Variants in SAMHD1 observed in about 807,000 individuals in gnomAD.
SAMHD1 encodes deoxynucleoside triphosphate triphosphohydrolase SAMHD1.
SAMHD1 carries 54 observed loss-of-function variants against 79.6 expected under a neutral mutation model. The ratio of observed to expected loss-of-function variants is 0.68; its 90% CI spans 0.55 to 0.85. The LOEUF (loss-of-function observed/expected upper bound fraction) is 0.85. Among genes scored for constraint, SAMHD1 ranks in the 40% least tolerant of loss-of-function variants. The pLI, the probability that SAMHD1 is intolerant of heterozygous loss-of-function variation, is 0.00. For synonymous variants in SAMHD1, 260 were observed against 264.1 expected, an observed-to-expected ratio of 0.98 and a Z score of 0.15; for missense variants, 663 against 782.7, an observed-to-expected ratio of 0.85 and a Z score of 1.82.
At chr20:36,909,276 G>A (rs1488668652) in intron 11 of SAMHD1, among the ~76,000 whole-genome samples, 1 of 151,978 alleles carries the variant, frequency 6.6e-6, no homozygotes, top group Non-Finnish European at 1.5e-5. Flanking sequence ...TTTATTTTTA[G>A]TTAAACAGTT....
At chr20:36,898,605 T>A in intron 13 of SAMHD1, 61 bp from the exon 14 acceptor site, 1 of 1,297,360 alleles carries the variant, frequency 7.7e-7, no homozygotes, top group Non-Finnish European at 1.1e-6. Context: ...CTCAGGGCTG[T>A]AGGAGCATAA....
chr20:36,899,654 T>G (rs1990264801), intron 13 of SAMHD1, among the ~76,000 whole-genome samples: 1 of 151,570 alleles, frequency 6.6e-6, no homozygotes, highest in Admixed American at 6.6e-5. Context: ...CAGGCTTAGG[T>G]GGGAAGAAAA....
intron 14 of SAMHD1, 39 bp from the exon 15 acceptor site, chr20:36,897,998 C>A: frequency 6.2e-7 from 1 of 1,612,636 alleles, no homozygotes; most frequent in South Asian, 1.1e-5. Context: ...ACCTTGAAGT[C>A]ACACATTGGA....
chr20:36,919,142 G>T (rs987958242), intron 7 of SAMHD1, among the ~76,000 whole-genome samples: 9 of 151,996 alleles, frequency 5.9e-5, no homozygotes, highest in African/African-American at 2.2e-4. Flanking sequence ...TCTCTAAAAA[G>T]AATTTCTGTA....
chr20:36,945,978 T>C (rs2063683331), intron 2 of SAMHD1, among the ~76,000 whole-genome samples: 1 of 151,108 alleles, frequency 6.6e-6, no homozygotes, highest in Non-Finnish European at 1.5e-5. Flanking sequence ...ATAGGATTTG[T>C]ACAGCGAAAA....
intron 3 of SAMHD1, 52 bp downstream of exon 3, chr20:36,940,987 T>A: frequency 3.0e-6 from 4 of 1,324,398 alleles, no homozygotes; most frequent in Non-Finnish European, 4.4e-6. Context: ...TTTACATAAT[T>A]GAGTTATATC....
intron 3 of SAMHD1, among the ~76,000 whole-genome samples, chr20:36,939,337 A>G (rs2063626033): frequency 6.6e-6 from 1 of 151,706 alleles, no homozygotes; most frequent in Non-Finnish European, 1.5e-5. Flanking sequence ...TCATGCCTGT[A>G]ATCCCAACAC....
rs1400685673 is a variant in SAMHD1 at position 36,930,224 on chromosome 20, G to A, written c.625+536C>T. ...TGTAGTAAACATGATGGCCGGGCAC[G>A]GTGGCTCATGCCTGTAATCCCAGCA... On this transcript the variant is annotated intron_variant, in intron 5 of 15. Coordinates refer to ENST00000646673, the MANE Select transcript of SAMHD1 (RefSeq NM_015474.4). Among the ~76,000 whole-genome samples, 5 of 152,076 alleles carry A rather than the reference G, an allele frequency of 3.3e-5. No homozygotes were observed. In the East Asian group the frequency reaches 7.7e-4, roughly 23 times the overall value.
intron 13 of SAMHD1, among the ~76,000 whole-genome samples, chr20:36,902,615 T>TCCAC (rs1358594678): frequency 6.6e-6 from 1 of 152,104 alleles, no homozygotes; most frequent in Non-Finnish European, 1.5e-5. Flanking sequence ...CAGGTATGGG[T>TCCAC]GTGGAGATGT....
At chr20:36,938,198 G>C (rs376455386) in intron 3 of SAMHD1, among the ~76,000 whole-genome samples, 36 of 152,086 alleles carry the variant, frequency 2.4e-4, no homozygotes, top group East Asian at 1.2e-3. Context: ...AAAATAGAAA[G>C]AATAAAAGTG....
chr20:36,918,801 C>CAAAAAAAAAAAAAAAAAAAAA (rs60403097), intron 7 of SAMHD1, among the ~76,000 whole-genome samples: 4 of 65,458 alleles, frequency 6.1e-5, no homozygotes, highest in South Asian at 6.6e-4. Context: ...GACTCTATCT[C>CAAAAAAAAAAAAAAAAAAAAA]AAAAAAAAAA....
chr20:36,898,102 G>A (rs1990231529), intron 14 of SAMHD1, 143 bp from the exon 15 acceptor site: 4 of 1,019,664 alleles, frequency 3.9e-6, no homozygotes, highest in Non-Finnish European at 6.0e-6. Context: ...CACAATCACA[G>A]CTCACTGAAG....
At position 36,951,676 on chromosome 20, in the gene SAMHD1, A is replaced by G; in HGVS notation, c.-33T>C. The stretch of plus-strand genomic sequence containing the variant: ...CCTGGCGTCCGGCACAGCAGTCAAG[A>G]ACCTCGGCGCCGGACCCGCGCGCAG... On this transcript the variant is annotated 5_prime_UTR_variant, in exon 1 of 16. Transcript: ENST00000646673. 1 of 1,610,992 alleles carries G rather than the reference A, an allele frequency of 6.2e-7. No individual in the cohort carries two copies. Among genetic ancestry groups the G allele is most frequent in the Non-Finnish European group, 8.5e-7 (1 of 1,179,836 alleles).
At chr20:36,931,165 A>G in intron 4 of SAMHD1, 2 of 409,720 alleles carry the variant, frequency 4.9e-6, no homozygotes, top group South Asian at 2.2e-5. Context: ...CCAGAAAATA[A>G]CAAGTGTTGG....
At chr20:36,951,334 G>A in intron 1 of SAMHD1, 102 bp downstream of exon 1, 5 of 1,531,452 alleles carry the variant, frequency 3.3e-6, no homozygotes, top group South Asian at 1.1e-5. Context: ...CGCAGGGCTC[G>A]CTCCTCGGCC....
intron 15 of SAMHD1, chr20:36,893,816 C>G (rs1188641971): frequency 2.5e-6 from 1 of 398,516 alleles, no homozygotes; most frequent in Non-Finnish European, 4.4e-6. Context: ...CCATTCTTCA[C>G]TCTTCCTCTC....
At chr20:36,893,407 AC>A (rs2148352568) in intron 15 of SAMHD1, 1 of 385,072 alleles carries the variant, frequency 2.6e-6, no homozygotes, top group East Asian at 5.5e-5. Context: ...GATGCACTGA[AC>A]CCCTAGCTTC....
At chr20:36,943,673 G>C (rs929876295) in intron 2 of SAMHD1, among the ~76,000 whole-genome samples, 2 of 152,114 alleles carry the variant, frequency 1.3e-5, no homozygotes, top group African/African-American at 4.8e-5. Context: ...CCCTTGAAAA[G>C]AAAGACTGTA....
chr20:36,935,397 C>T, intron 3 of SAMHD1: 2 of 572,544 alleles, frequency 3.5e-6, no homozygotes, highest in Non-Finnish European at 6.2e-6. Context: ...GTATATTTTA[C>T]TTCTTCCTAA....
Sources: gnomAD v4.1 joint callset for allele counts (sites outside exome capture counted in the v4.1 genomes callset) on GRCh38, gnomAD v4.1.1 for gene constraint, MANE v1.5 for transcripts, NCBI Gene and HGNC (gene_info 2026-07-23, HGNC 2026-07-21) for gene names.